Variants in MTMR14 observed in about 807,000 individuals in gnomAD.
The protein encoded by MTMR14 is phosphatidylinositol-3,5-bisphosphate 3-phosphatase MTMR14.
MTMR14 carries 48 observed loss-of-function variants against 86.3 expected under a neutral mutation model. The ratio of observed to expected loss-of-function variants is 0.56; its 90% CI spans 0.44 to 0.71. The LOEUF is 0.71. Ranked by LOEUF, MTMR14 falls within the 30% of genes least tolerant of loss-of-function variation. MTMR14 has a pLI of 0.00. For synonymous variants in MTMR14, 366 were observed against 326.1 expected, an observed-to-expected ratio of 1.12 and a Z score of -1.32; for missense variants, 780 against 834.6, an observed-to-expected ratio of 0.93 and a Z score of 0.81.
chr3:9,701,620 G>A lies in MTMR14; in HGVS notation c.1770-170G>A. The A allele has an allele frequency of 1.3e-6, 1 of 772,354 alleles. No individual in the cohort carries two copies. Among genetic ancestry groups the A allele is most frequent in the South Asian group, 1.5e-5 (1 of 65,486 alleles). 47.8% of individuals were successfully genotyped at this position (772,354 alleles called of 1,614,324 possible). A position where few individuals can be genotyped will look rare whatever the true frequency, so the allele number is the denominator to read the frequency against. ...AGAGGAATGGTTTAAGGGAAAACAG[G>A]GCCAGATATTTGGGGCCTGAACCAC... is the stretch of plus-strand genomic sequence containing the variant. On this transcript the variant is annotated intron_variant, in intron 18 of 18. Coordinates refer to ENST00000296003, the MANE Select transcript of MTMR14 (RefSeq NM_001077525.3). This position sits in a 1 kb window ranked among gnomAD's most constrained non-coding sequence, Gnocchi z 4.2.
At chr3:9,682,317 GC>G (rs2075794816) in intron 9 of MTMR14, among the ~76,000 whole-genome samples, 1 of 152,198 alleles carries the variant, frequency 6.6e-6, no homozygotes, top group Non-Finnish European at 1.5e-5. Flanking sequence ...AATTACAGGT[GC>G]CGTGTTCCCC....
Position 9,688,930 on chromosome 3 carries a change from C to T in MTMR14, c.1295-14C>T, listed in dbSNP as rs1248298016. 6.2e-7 allele frequency: 1 copy of T among 1,613,986 alleles called. No individual in the cohort carries two copies. The highest frequency in any genetic ancestry group is 2.2e-5 in the East Asian group (1 of 44,878). On this transcript the variant is annotated splice_polypyrimidine_tract_variant and intron_variant, in intron 15 of 18. Coordinates refer to ENST00000296003, the MANE Select transcript of MTMR14 (RefSeq NM_001077525.3). ...GAAGGTAACACGCTGACTGATGGCA[C>T]TGGCTTCTTTTAGGACGAAAGGACC...
Position 9,668,955 on chromosome 3 carries a change from C to T in MTMR14, c.493+161C>T, listed in dbSNP as rs193256308. On this transcript the variant is annotated intron_variant, in intron 4 of 18. Transcript: ENST00000296003. ...GAGTTCGAGACCATCCTGGCTAACA[C>T]GGTGAAACCCCATCTCTACTAAAAA... Among the ~76,000 whole-genome samples the T allele has an allele frequency of 2.4e-3, 368 of 152,054 alleles. 4 individuals carry two copies. Among genetic ancestry groups the T allele is most frequent in the East Asian group, 0.019 (97 of 5,154 alleles).
intron 10 of MTMR14, 33 bp downstream of exon 10, chr3:9,683,277 C>G (rs775255302): frequency 6.2e-7 from 1 of 1,602,592 alleles, no homozygotes; most frequent in Non-Finnish European, 8.6e-7. Context: ...CCTCGAGCCA[C>G]TGCACCCTTG....
intron 2 of MTMR14, among the ~76,000 whole-genome samples, chr3:9,659,444 CTTTTT>C (rs546901318): frequency 1.4e-5 from 2 of 139,076 alleles, no homozygotes; most frequent in Non-Finnish European, 3.2e-5. Context: ...TGAATTGGTT[CTTTTT>C]TTTTTTTTTT....
At chr3:9,688,068 G>C (rs920729416) in intron 14 of MTMR14, among the ~76,000 whole-genome samples, 177 bp downstream of exon 14, 2 of 152,222 alleles carry the variant, frequency 1.3e-5, no homozygotes, top group African/African-American at 4.8e-5. Flanking sequence ...GGCCACTGGT[G>C]AAGAGGCTCT....
chr3:9,659,814 G>T (rs1225783266), intron 2 of MTMR14: 1 of 456,726 alleles, frequency 2.2e-6, no homozygotes. Context: ...GAAAAGGTGG[G>T]TCATTACATT....
At chr3:9,683,046 CA>C in intron 9 of MTMR14, 131 bp from the exon 10 acceptor site, 1 of 687,278 alleles carries the variant, frequency 1.5e-6, no homozygotes, top group Non-Finnish European at 2.4e-6. Context: ...ATCTGGGATT[CA>C]AAACCTATGG....
chr3:9,672,441 A>G (rs2048616957), intron 6 of MTMR14, among the ~76,000 whole-genome samples: 1 of 152,154 alleles, frequency 6.6e-6, no homozygotes, highest in Non-Finnish European at 1.5e-5. Flanking sequence ...ATGTTTCACC[A>G]TGTTGTCCAG....
chr3:9,662,898 T>C (rs2048020707), intron 3 of MTMR14, among the ~76,000 whole-genome samples: 1 of 152,222 alleles, frequency 6.6e-6, no homozygotes, highest in Non-Finnish European at 1.5e-5. Context: ...TTAATTTGGC[T>C]CCCCAGTTTG....
chr3:9,660,284 G>A (rs2047853686), intron 2 of MTMR14, among the ~76,000 whole-genome samples: 1 of 151,914 alleles, frequency 6.6e-6, no homozygotes. Flanking sequence ...CCCCCAGACG[G>A]AGTCTCGCCC....
At chr3:9,659,310 G>A (rs929942545) in intron 2 of MTMR14, among the ~76,000 whole-genome samples, 2 of 152,194 alleles carry the variant, frequency 1.3e-5, no homozygotes, top group Non-Finnish European at 2.9e-5. Flanking sequence ...AAATACAGAA[G>A]CCTACATTCA....
At chr3:9,697,619 C>G in intron 17 of MTMR14, 92 bp from the exon 18 acceptor site, 13 of 1,435,334 alleles carry the variant, frequency 9.1e-6, no homozygotes, top group Non-Finnish European at 1.2e-5. Flanking sequence ...ACCTAGCAGC[C>G]AGGGCTGCGC....
In MTMR14 at chr3:9,649,691, C is replaced by A. The variant is rs766554011; in HGVS notation, c.108C>A (p.Phe36Leu). The A allele has an allele frequency of 6.2e-7, 1 of 1,611,318 alleles. No homozygotes were observed. The highest frequency in any genetic ancestry group is 8.5e-7 in the Non-Finnish European group (1 of 1,178,958). The change falls in exon 1 of 19, where the codon TTC becomes TTA. Residue 36 changes from phenylalanine (F) to leucine (L), a missense_variant. Physicochemically the swap from Phe to Leu is conservative, Grantham distance 22. Transcript: ENST00000296003. ...GGCTTGGGGAGCTGCTGGAGGAGTTCTCCCGGACTCAGTACCGGGCCAAGG... is the reference window on the plus strand; with the variant it reads ...GGCTTGGGGAGCTGCTGGAGGAGTTATCCCGGACTCAGTACCGGGCCAAGG... Reference protein sequence around the residue: ...ELGLGELLEEFSRTQYRAKDG... With the variant: ...ELGLGELLEELSRTQYRAKDG...
intron 3 of MTMR14, among the ~76,000 whole-genome samples, chr3:9,666,917 C>G (rs2048285102): frequency 6.6e-6 from 1 of 152,188 alleles, no homozygotes; most frequent in South Asian, 2.1e-4. Context: ...AGGTGTCTAT[C>G]AAGAGGGGTC....
chr3:9,680,840 A>AAAACAAAC lies in MTMR14; in HGVS notation c.898-2322_898-2315dup, dbSNP rs34688278. On this transcript the variant is annotated intron_variant, in intron 9 of 18. Coordinates refer to ENST00000296003, the MANE Select transcript of MTMR14 (RefSeq NM_001077525.3). ...CGACAGAGCGAGACTCCGTCTCAAA[A>AAAACAAAC]AAACAAACAAACAAACAAACAAAAG... is the stretch of plus-strand genomic sequence containing the variant. Among the ~76,000 whole-genome samples the AAAACAAAC allele has an allele frequency of 2.0e-3, 301 of 152,048 alleles. 4 individuals carry two copies. The highest frequency in any genetic ancestry group is 7.1e-3 in the African/African-American group (292 of 41,396).
rs150367672 is a variant in MTMR14 at position 9,668,716 on chromosome 3, C to A, written c.418-3C>A. 4 of 1,614,124 alleles carry A rather than the reference C, an allele frequency of 2.5e-6. No homozygotes were observed. The African/African-American group carries it at 5.3e-5, about 22-fold the overall frequency. On this transcript the variant is annotated splice_region_variant and splice_polypyrimidine_tract_variant and intron_variant, in intron 3 of 18. Transcript: ENST00000296003. Reference sequence around the variant, plus strand: ...GACCGTGAAAATGATGTTTCTCTCCCAGCACATTTGCAGGTCGGCCACACT... The same window carrying A: ...GACCGTGAAAATGATGTTTCTCTCCAAGCACATTTGCAGGTCGGCCACACT...
chr3:9,684,791 G>A (rs1048219023), intron 11 of MTMR14, 97 bp from the exon 12 acceptor site: 74 of 1,544,908 alleles, frequency 4.8e-5, no homozygotes, highest in Non-Finnish European at 5.5e-5. Flanking sequence ...CTGTCCTTCC[G>A]GGTGTTCTTC....
In MTMR14 at chr3:9,689,901, G is replaced by C. The variant is rs532799832; in HGVS notation, c.1434-63G>C. ...AAAGCCTAGGCCTGAAATTCAGTGA[G>C]GGTGGGCAGAGGGCTTTGCCTGCAG... On this transcript the variant is annotated intron_variant, in intron 16 of 18. Coordinates refer to ENST00000296003, the MANE Select transcript of MTMR14 (RefSeq NM_001077525.3). 60 of 1,505,566 alleles carry C rather than the reference G, an allele frequency of 4.0e-5. No homozygotes were observed. In the African/African-American group the frequency reaches 7.3e-4, roughly 18 times the overall value. The allele number at this position is 1,505,566 out of a possible 1,614,324, so 93.3% of individuals were successfully genotyped here.
Sources: allele counts gnomAD v4.1 joint callset (sites outside exome capture counted in the v4.1 genomes callset), GRCh38; gene constraint gnomAD v4.1.1; non-coding constraint Gnocchi (gnomAD v3.1); transcripts MANE v1.5; gene names NCBI Gene and HGNC (gene_info 2026-07-23, HGNC 2026-07-21).